PHLPP1: variants seen among roughly 807,000 people sequenced by gnomAD.
The protein encoded by PHLPP1 is PH domain and leucine rich repeat protein phosphatase 1.
Under a neutral mutation model 117.2 loss-of-function variants are expected in PHLPP1, and 42 were observed. The ratio of observed to expected loss-of-function variants is 0.36; its 90% CI spans 0.28 to 0.46. The LOEUF is 0.46. Ranked by LOEUF, PHLPP1 falls within the 20% of genes least tolerant of loss-of-function variation. PHLPP1 has a pLI of 1.00. For missense variants in PHLPP1, 2,084 were observed against 2,241.9 expected, an observed-to-expected ratio of 0.93 and a Z score of 1.42; for synonymous variants, 1,042 against 970.7, an observed-to-expected ratio of 1.07 and a Z score of -1.37.
At chr18:62,747,316 G>C (rs139054906) in intron 1 of PHLPP1, among the ~76,000 whole-genome samples, 2 of 122,622 alleles carry the variant, frequency 1.6e-5, no homozygotes, top group Admixed American at 2.1e-4. Flanking sequence ...ACAGAGTCTC[G>C]CTCTTTTGCC....
intron 3 of PHLPP1, among the ~76,000 whole-genome samples, chr18:62,853,903 T>C (rs900649143): frequency 6.6e-6 from 1 of 152,222 alleles, no homozygotes; most frequent in Non-Finnish European, 1.5e-5. Context: ...ACAGAGCCTC[T>C]CCTGATTTTT....
intron 3 of PHLPP1, among the ~76,000 whole-genome samples, chr18:62,853,622 G>A (rs928952892): frequency 3.3e-5 from 5 of 152,052 alleles, no homozygotes; most frequent in Non-Finnish European, 7.4e-5. Flanking sequence ...TGCCCCCCTC[G>A]GCCCCACAAA....
At chr18:62,827,453 A>G (rs1914640665) in intron 1 of PHLPP1, among the ~76,000 whole-genome samples, 1 of 152,230 alleles carries the variant, frequency 6.6e-6, no homozygotes, top group South Asian at 2.1e-4. Flanking sequence ...TTGTAGAACA[A>G]GGAAGTCTGT....
rs750057150 is a variant in PHLPP1, at chr18:62,716,838, G to T, written c.1155G>T (p.Ser385=). 1 of 1,523,714 alleles carries T rather than the reference G, an allele frequency of 6.6e-7. No individual in the cohort carries two copies. Among genetic ancestry groups the T allele is most frequent in the Non-Finnish European group, 8.8e-7 (1 of 1,141,438 alleles). The allele number at this position is 1,523,714 out of a possible 1,614,324, so 94.4% of individuals were successfully genotyped here. ...SSEELEADAA[S]APTGVPGQPR... ...AAGAGCTCGAGGCCGACGCAGCCTC[G>T]GCCCCGACGGGGGTCCCGGGCCAGC... The change falls in exon 1 of 17, where the codon TCG becomes TCT. Residue 385 remains serine, a synonymous_variant. Transcript: ENST00000262719. The surrounding 1 kb of genome is among the most constrained non-coding windows in gnomAD (Gnocchi z 5.7).
In PHLPP1 at chr18:62,978,345, C is replaced by G; in HGVS notation, c.4068C>G (p.His1356Gln). ...FLHPSVVPRP[H>Q]VQSVLLTPQD... ...ATCCCAGTGTGGTGCCTCGCCCCCA[C>G]GTGCAGTCCGTGCTCCTGACTCCCC... The change falls in exon 17 of 17, where the codon CAC becomes CAG. Residue 1356 changes from histidine (H) to glutamine (Q), a missense_variant. His to Gln is a conservative substitution (Grantham distance 24, BLOSUM62 0). Coordinates refer to ENST00000262719, the MANE Select transcript of PHLPP1 (RefSeq NM_194449.4). This position sits in a 1 kb window ranked among gnomAD's most constrained non-coding sequence, Gnocchi z 7.0. The G allele has an allele frequency of 6.2e-7, 1 of 1,612,824 alleles. No homozygotes were observed. Among genetic ancestry groups the G allele is most frequent in the Non-Finnish European group, 8.5e-7 (1 of 1,179,226 alleles).
intron 10 of PHLPP1, among the ~76,000 whole-genome samples, chr18:62,925,804 C>T (rs1044102161): frequency 2.2e-4 from 34 of 152,152 alleles, no homozygotes; most frequent in African/African-American, 6.8e-4. Flanking sequence ...AGAGTACTTA[C>T]CAAACATGCA....
intron 3 of PHLPP1, chr18:62,839,779 T>C (rs1337179878): frequency 6.8e-6 from 1 of 146,752 alleles, no homozygotes; most frequent in Non-Finnish European, 1.5e-5. Flanking sequence ...TAATATATAT[T>C]TTATAATATA....
At chr18:62,969,044 T>G (rs1404116519) in intron 14 of PHLPP1, among the ~76,000 whole-genome samples, 1 of 152,120 alleles carries the variant, frequency 6.6e-6, no homozygotes, top group Non-Finnish European at 1.5e-5. Context: ...ATTTTTGTTT[T>G]ATGGGTTTTT....
At chr18:62,930,073 C>A (rs1364862512) in intron 10 of PHLPP1, among the ~76,000 whole-genome samples, 3 of 152,218 alleles carry the variant, frequency 2.0e-5, no homozygotes, top group Non-Finnish European at 4.4e-5. Context: ...CTGACAAAAA[C>A]TGGCAAGCCA....
intron 1 of PHLPP1, among the ~76,000 whole-genome samples, chr18:62,785,358 T>C (rs2144283434): frequency 6.6e-6 from 1 of 152,334 alleles, no homozygotes; most frequent in Non-Finnish European, 1.5e-5. Flanking sequence ...GTACTGTTTA[T>C]AGAGGGAGAA....
chr18:62,854,502 C>G (rs1599084420), intron 3 of PHLPP1, among the ~76,000 whole-genome samples: 1 of 152,322 alleles, frequency 6.6e-6, no homozygotes, highest in Admixed American at 6.5e-5. Flanking sequence ...GGAGGACTCA[C>G]TGTCTCTGAC....
intron 2 of PHLPP1, among the ~76,000 whole-genome samples, chr18:62,835,196 C>G (rs1914857345): frequency 6.6e-6 from 1 of 150,646 alleles, no homozygotes; most frequent in African/African-American, 2.4e-5. Context: ...TATCAATGAT[C>G]CTTTTTTTTT....
intron 1 of PHLPP1, among the ~76,000 whole-genome samples, chr18:62,774,685 C>A (rs1568113211): frequency 6.6e-6 from 1 of 152,186 alleles, no homozygotes; most frequent in East Asian, 1.9e-4. Context: ...GTGTTCTTGA[C>A]TTTCGTTTAG....
rs1293235457 is a variant in PHLPP1, at chr18:62,891,413, C to A, written c.2067-3598C>A. Among the ~76,000 whole-genome samples the A allele has an allele frequency of 4.6e-5, 7 of 152,100 alleles. No individual in the cohort carries two copies. In the South Asian group the frequency reaches 1.0e-3, roughly 22 times the overall value. ...GACCAGCCTGGCCAACATAGTGAAA[C>A]CCTGTCTCTACTAAAAATACAAAAA... On this transcript the variant is annotated intron_variant, in intron 4 of 16. Coordinates refer to ENST00000262719, the MANE Select transcript of PHLPP1 (RefSeq NM_194449.4).
intron 6 of PHLPP1, among the ~76,000 whole-genome samples, chr18:62,897,966 T>A (rs1916605978): frequency 1.0e-5 from 1 of 95,730 alleles, no homozygotes; most frequent in African/African-American, 2.7e-5. Flanking sequence ...TTGATGTTGT[T>A]TGAGTTTGAT....
intron 1 of PHLPP1, among the ~76,000 whole-genome samples, chr18:62,764,549 C>T (rs992002574): frequency 4.6e-5 from 7 of 152,006 alleles, no homozygotes; most frequent in South Asian, 4.1e-4. Flanking sequence ...GTCAGGAGTT[C>T]GAGATCAGCC....
chr18:62,912,866 C>T (rs1916996147), intron 8 of PHLPP1, among the ~76,000 whole-genome samples: 1 of 152,234 alleles, frequency 6.6e-6, no homozygotes, highest in African/African-American at 2.4e-5. Context: ...AGTGATCCAC[C>T]CGCCTTGGCC....
intron 8 of PHLPP1, among the ~76,000 whole-genome samples, chr18:62,906,010 G>A (rs1460789661): frequency 6.6e-6 from 1 of 152,058 alleles, no homozygotes; most frequent in African/African-American, 2.4e-5. Flanking sequence ...TCATTTGGAA[G>A]GTAACTCCAA....
intron 1 of PHLPP1, among the ~76,000 whole-genome samples, chr18:62,728,487 A>G (rs1406833191): frequency 1.3e-5 from 2 of 151,150 alleles, no homozygotes; most frequent in African/African-American, 4.9e-5. Flanking sequence ...TGTGAAGCAC[A>G]TATGGCTTAT....
Sources: gnomAD v4.1 joint callset for allele counts (sites outside exome capture counted in the v4.1 genomes callset) on GRCh38, gnomAD v4.1.1 for gene constraint, Gnocchi (gnomAD v3.1) non-coding constraint, MANE v1.5 for transcripts, NCBI Gene and HGNC (gene_info 2026-07-23, HGNC 2026-07-21) for gene names.